The following BMS1 variants were observed in gnomAD, a reference collection of about 807,000 sequenced individuals.
BMS1 encodes BMS1 ribosome biogenesis factor, also known as ribosome biogenesis protein BMS1 homolog.
A neutral mutation model predicts 138.7 loss-of-function variants in BMS1; 53 were observed. That is an observed-to-expected ratio of 0.38 (90% CI 0.31 to 0.48). BMS1 has a LOEUF of 0.48. Among genes scored for constraint, BMS1 ranks in the 20% least tolerant of loss-of-function variants. The probability of loss-of-function intolerance (pLI) is 0.97; values close to 1 mark genes in which losing one functional copy is unlikely to be tolerated. For missense variants in BMS1, 1,360 were observed against 1,565.5 expected (o/e 0.87, Z 2.22); for synonymous variants, 504 against 539.9 (o/e 0.93, Z 0.92).
intron 3 of BMS1, among the ~76,000 whole-genome samples, 189 bp downstream of exon 3, chr10:42,785,861 A>C (rs562483044): frequency 6.6e-6 from 1 of 152,122 alleles, no homozygotes; most frequent in Non-Finnish European, 1.5e-5. Context: ...AGGATGTGAT[A>C]ATGTTCACAT....
rs750841638 is a variant in BMS1 at position 42,785,458 on chromosome 10, ATTTG to A, written c.177-20_177-17del. On this transcript the variant is annotated intron_variant, in intron 2 of 22. Transcript: ENST00000374518. The stretch of plus-strand genomic sequence containing the variant: ...TTGAAAATGAGTTTACTATTTATTT[ATTTG>A]TTTATTTTTTAATGAATAGGACTCA... 1.3e-6 allele frequency: 2 copies of A among 1,559,688 alleles called. No homozygotes were observed. The highest frequency in any genetic ancestry group is 8.7e-7 in the Non-Finnish European group (1 of 1,153,966).
chr10:42,820,285 A>G lies in BMS1; in HGVS notation c.2630A>G (p.Tyr877Cys). 3 of 1,613,622 alleles carry G rather than the reference A, an allele frequency of 1.9e-6. No homozygotes were observed. Among genetic ancestry groups the G allele is most frequent in the Middle Eastern group, 1.7e-4 (1 of 6,056 alleles). ...EDQDDEARVQ[Y>C]EGFRPGMYVR... ...CAAGATGATGAAGCCAGAGTTCAGT[A>G]TGAGGGTTTTCGACCTGGGATGTAC... Residue 877 changes from tyrosine (Y) to cysteine (C), a missense_variant, in exon 16 of 23, where the codon TAT becomes TGT. Physicochemically the swap from Tyr to Cys is radical, Grantham distance 194. Around this residue, in one of 3 missense-constraint regions of BMS1, gnomAD observed 425 missense variants for 568.3 expected, o/e 0.75. Coordinates refer to ENST00000374518, the MANE Select transcript of BMS1 (RefSeq NM_014753.4).
chr10:42,823,565 A>C, intron 20 of BMS1, 44 bp from the exon 21 acceptor site: 1 of 1,471,736 alleles, frequency 6.8e-7, no homozygotes, highest in Non-Finnish European at 9.0e-7. Flanking sequence ...TATGGATATG[A>C]ATCTTCTTTT....
intron 8 of BMS1, 78 bp from the exon 9 acceptor site, chr10:42,793,774 T>G: frequency 3.6e-5 from 54 of 1,490,106 alleles, no homozygotes; most frequent in African/African-American, 5.7e-5. Flanking sequence ...AAGATAATTT[T>G]GAGAAACTGA....
At chr10:42,792,401 A>G (rs1841531965) in intron 6 of BMS1, 92 bp from the exon 7 acceptor site, 2 of 1,511,384 alleles carry the variant, frequency 1.3e-6, no homozygotes, top group Non-Finnish European at 1.8e-6. Context: ...GACGTGCTTA[A>G]TGGACAAGAG....
chr10:42,794,028 G>A (rs760158453), intron 9 of BMS1, 37 bp downstream of exon 9: 24 of 1,600,474 alleles, frequency 1.5e-5, no homozygotes, highest in Non-Finnish European at 2.0e-5. Context: ...ATAAAAAGAT[G>A]TATTACAAAA....
intron 3 of BMS1, among the ~76,000 whole-genome samples, chr10:42,785,899 A>C (rs1248878064): frequency 6.6e-6 from 1 of 152,152 alleles, no homozygotes; most frequent in African/African-American, 2.4e-5. Context: ...GGAGGTTCCA[A>C]GGCAGGAAGA....
At chr10:42,817,251 A>G (rs1842374868) in intron 14 of BMS1, 67 bp from the exon 15 acceptor site, 1 of 1,249,074 alleles carries the variant, frequency 8.0e-7, no homozygotes, top group Non-Finnish European at 1.1e-6. Context: ...AGAACTTTAA[A>G]AAAGCTAATG....
At chr10:42,810,537 C>G (rs377159036) in intron 13 of BMS1, among the ~76,000 whole-genome samples, 1 of 152,054 alleles carries the variant, frequency 6.6e-6, no homozygotes, top group Non-Finnish European at 1.5e-5. Context: ...TGCAAAGTGT[C>G]CCCTATTCTG....
chr10:42,831,219 T>A lies in BMS1; in HGVS notation c.*123T>A. On this transcript the variant is annotated 3_prime_UTR_variant, in exon 23 of 23. Coordinates refer to ENST00000374518, the MANE Select transcript of BMS1 (RefSeq NM_014753.4). ...GCTCAAGAGATGTCTCTACTCAAAC[T>A]GTGCCTGCAGGAGGAGGAACAGAGA... The A allele has an allele frequency of 9.5e-7, 1 of 1,054,602 alleles. No individual in the cohort carries two copies. Among genetic ancestry groups the A allele is most frequent in the Non-Finnish European group, 1.4e-6 (1 of 738,490 alleles). 65.3% of individuals were successfully genotyped at this position (1,054,602 alleles called of 1,614,324 possible). A position where few individuals can be genotyped will look rare whatever the true frequency, so the allele number is the denominator to read the frequency against.
At chr10:42,805,503 G>A (rs1841987786) in intron 13 of BMS1, among the ~76,000 whole-genome samples, 1 of 152,056 alleles carries the variant, frequency 6.6e-6, no homozygotes, top group African/African-American at 2.4e-5. Context: ...TTTAAGATGA[G>A]CATGTCAATT....
intron 9 of BMS1, among the ~76,000 whole-genome samples, chr10:42,794,956 T>A (rs1294670183): frequency 6.6e-6 from 1 of 152,028 alleles, no homozygotes; most frequent in Non-Finnish European, 1.5e-5. Context: ...ATGTTCCCCT[T>A]CCTGTGTCCA....
At chr10:42,822,913 A>G (rs1483979871) in intron 19 of BMS1, among the ~76,000 whole-genome samples, 1 of 152,222 alleles carries the variant, frequency 6.6e-6, no homozygotes, top group Non-Finnish European at 1.5e-5. Context: ...CCATGAACTG[A>G]CATGATTATT....
chr10:42,793,637 A>G (rs182257840), intron 8 of BMS1, among the ~76,000 whole-genome samples: 71 of 152,342 alleles, frequency 4.7e-4, no homozygotes, highest in African/African-American at 1.4e-3. Context: ...TGTTTAGGTT[A>G]TCAGGTTATA....
intron 3 of BMS1, 141 bp downstream of exon 3, chr10:42,785,813 T>G (rs1329858407): frequency 3.8e-5 from 34 of 901,044 alleles, no homozygotes; most frequent in Non-Finnish European, 1.2e-5. Flanking sequence ...ATTACTAAGT[T>G]GGCTATAGCT....
chr10:42,799,490 T>G (rs913228492), intron 12 of BMS1, among the ~76,000 whole-genome samples: 1 of 152,212 alleles, frequency 6.6e-6, no homozygotes, highest in African/African-American at 2.4e-5. Flanking sequence ...TAGATGTCAC[T>G]TCTCACAGAG....
chr10:42,822,024 A>T (rs1564430196), intron 18 of BMS1, 38 bp from the exon 19 acceptor site: 1 of 1,572,846 alleles, frequency 6.4e-7, no homozygotes, highest in East Asian at 2.2e-5. Context: ...TCTCTTGCTG[A>T]TATTATTCCT....
chr10:42,803,002 C>T (rs1302331780), intron 13 of BMS1, among the ~76,000 whole-genome samples: 1 of 152,036 alleles, frequency 6.6e-6, no homozygotes, highest in Admixed American at 6.6e-5. Context: ...GCAACTGCCA[C>T]ATGGTTTTTT....
chr10:42,801,394 A>AT (rs1450451222), intron 12 of BMS1, among the ~76,000 whole-genome samples: 3 of 152,128 alleles, frequency 2.0e-5, no homozygotes, highest in Non-Finnish European at 2.9e-5. Flanking sequence ...ACAGTTAAAG[A>AT]TTTTTTTCCC....
Sources: gnomAD v4.1 joint callset for allele counts (sites outside exome capture counted in the v4.1 genomes callset) on GRCh38, gnomAD v4.1.1 for gene constraint, gnomAD v4.1.1 regional missense constraint, MANE v1.5 for transcripts, NCBI Gene and HGNC (gene_info 2026-07-23, HGNC 2026-07-21) for gene names.